WNT8B: variants seen among roughly 807,000 people sequenced by gnomAD.
The protein encoded by WNT8B is Wnt family member 8B, also known as protein Wnt-8b.
A neutral mutation model predicts 36.6 loss-of-function variants in WNT8B; 24 were observed. The observed-to-expected ratio is 0.66, with a 90% CI of 0.48 to 0.92. The LOEUF is 0.92. Ranked by LOEUF, WNT8B falls within the 40% of genes least tolerant of loss-of-function variation. The probability of loss-of-function intolerance (pLI) is 0.00; values close to 1 mark genes in which losing one functional copy is unlikely to be tolerated. For missense variants in WNT8B, 402 were observed against 470.8 expected (o/e 0.85, Z 1.35); for synonymous variants, 199 against 189.8 (o/e 1.05, Z -0.40).
rs1363970183 is a variant in WNT8B, at chr10:100,463,223, C to T, written c.55C>T (p.Leu19Phe). ...CTGTCTTTTCACCTGTGTCCTCCAA[C>T]TCAGCCACAGCTGGTAAGTAACCTG... The part of the protein sequence containing the change: ...YICLFTCVLQ[L>F]SHSWSVNNFL... Residue 19 changes from leucine (L) to phenylalanine (F), a missense_variant, in exon 1 of 6, where the codon CTC (leucine) becomes TTC (phenylalanine). Physicochemically the swap from Leu to Phe is conservative, Grantham distance 22. Coordinates refer to ENST00000343737, the MANE Select transcript of WNT8B (RefSeq NM_003393.4). 3 of 1,614,000 alleles carry T rather than the reference C, an allele frequency of 1.9e-6. No homozygotes were observed. The highest frequency in any genetic ancestry group is 2.2e-5 in the South Asian group (2 of 91,062).
At chr10:100,473,809 G>A (rs547808635) in intron 1 of WNT8B, among the ~76,000 whole-genome samples, 23 of 152,088 alleles carry the variant, frequency 1.5e-4, no homozygotes, top group Middle Eastern at 3.4e-3. Flanking sequence ...GCCTGTAATC[G>A]CAGCTTCTTG....
At chr10:100,463,586 G>A (rs925704020) in intron 1 of WNT8B, among the ~76,000 whole-genome samples, 6 of 152,126 alleles carry the variant, frequency 3.9e-5, no homozygotes, top group Non-Finnish European at 8.8e-5. Flanking sequence ...AAGTTCTACC[G>A]TGTGTTGAAT....
At chr10:100,468,100 T>C (rs146915240) in intron 1 of WNT8B, among the ~76,000 whole-genome samples, 270 of 152,336 alleles carry the variant, frequency 1.8e-3, no homozygotes, top group African/African-American at 6.0e-3. Context: ...AAATACATGT[T>C]TGTGTTTATT....
At chr10:100,470,990 G>C (rs1254167794) in intron 1 of WNT8B, among the ~76,000 whole-genome samples, 1 of 152,092 alleles carries the variant, frequency 6.6e-6, no homozygotes, top group Non-Finnish European at 1.5e-5. Context: ...TGATCTGCCT[G>C]CCTCAGCCTC....
intron 1 of WNT8B, among the ~76,000 whole-genome samples, chr10:100,468,371 T>C (rs1214370654): frequency 1.3e-5 from 2 of 152,212 alleles, no homozygotes; most frequent in African/African-American, 4.8e-5. Flanking sequence ...ACTGAGAACA[T>C]AAATGTTTTC....
At chr10:100,481,366 G>A (rs1373048342) in intron 4 of WNT8B, among the ~76,000 whole-genome samples, 1 of 152,072 alleles carries the variant, frequency 6.6e-6, no homozygotes, top group African/African-American at 2.4e-5. Flanking sequence ...CAACACTCTG[G>A]GGATTCCTCT....
intron 1 of WNT8B, among the ~76,000 whole-genome samples, chr10:100,477,003 C>T (rs1325589706): frequency 6.6e-6 from 1 of 152,188 alleles, no homozygotes; most frequent in African/African-American, 2.4e-5. Flanking sequence ...TTTGGCCATT[C>T]CCCCAAGACT....
intron 1 of WNT8B, among the ~76,000 whole-genome samples, chr10:100,476,288 A>T (rs778721026): frequency 6.6e-6 from 1 of 152,128 alleles, no homozygotes; most frequent in Non-Finnish European, 1.5e-5. Flanking sequence ...TGGGTGACAG[A>T]GTGAGACTCC....
chr10:100,482,111 C>A lies in WNT8B; in HGVS notation c.510+57C>A. 6.2e-7 allele frequency: 1 copy of A among 1,607,622 alleles called. No individual in the cohort carries two copies. Among genetic ancestry groups the A allele is most frequent in the South Asian group, 1.1e-5 (1 of 90,824 alleles). ...TGCTGGCTATATCCACTACCAGCTC[C>A]AGGTGCGGACAACTCTTCAGTTCAT... On this transcript the variant is annotated intron_variant, in intron 5 of 5. Coordinates refer to ENST00000343737, the MANE Select transcript of WNT8B (RefSeq NM_003393.4). This position sits in a 1 kb window ranked among gnomAD's most constrained non-coding sequence, Gnocchi z 6.6.
chr10:100,474,539 C>T (rs1199119754), intron 1 of WNT8B, among the ~76,000 whole-genome samples: 2 of 152,090 alleles, frequency 1.3e-5, no homozygotes, highest in African/African-American at 4.8e-5. Flanking sequence ...GAACAAGATC[C>T]TCCTCCTTTG....
intron 1 of WNT8B, among the ~76,000 whole-genome samples, chr10:100,463,934 G>A (rs144711647): frequency 4.2e-4 from 64 of 152,044 alleles, no homozygotes; most frequent in Non-Finnish European, 7.8e-4. Flanking sequence ...TTTAGCTCTT[G>A]GAAACCACAT....
chr10:100,483,525 C>T lies in WNT8B; in HGVS notation c.*709C>T, dbSNP rs563991302. The T allele has an allele frequency of 6.6e-6, 1 of 152,264 alleles. No individual in the cohort carries two copies. The highest frequency in any genetic ancestry group is 2.1e-4 in the South Asian group (1 of 4,828). 9.4% of individuals were successfully genotyped at this position (152,264 alleles called of 1,614,324 possible). A position where few individuals can be genotyped will look rare whatever the true frequency, so the allele number is the denominator to read the frequency against. On this transcript the variant is annotated 3_prime_UTR_variant, in exon 6 of 6. Coordinates refer to ENST00000343737, the MANE Select transcript of WNT8B (RefSeq NM_003393.4). The stretch of plus-strand genomic sequence containing the variant: ...GCAATGACTTTCCTAGACAATAACC[C>T]GAGGGACTCCAGATACATACCCCGA...
chr10:100,464,360 G>GT (rs1047786161), intron 1 of WNT8B, among the ~76,000 whole-genome samples: 12 of 151,884 alleles, frequency 7.9e-5, no homozygotes, highest in Admixed American at 5.3e-4. Context: ...ATATTTCAAT[G>GT]TTAAAAAAAA....
chr10:100,466,411 G>T (rs190000237), intron 1 of WNT8B, among the ~76,000 whole-genome samples: 75 of 152,118 alleles, frequency 4.9e-4, no homozygotes, highest in African/African-American at 1.7e-3. Context: ...ATCAATGAAG[G>T]CCTCCACAAC....
chr10:100,463,676 A>T (rs1199745145), intron 1 of WNT8B, among the ~76,000 whole-genome samples: 2 of 151,864 alleles, frequency 1.3e-5, no homozygotes, highest in African/African-American at 2.4e-5. Context: ...TTTTTTCAGG[A>T]TATTCTAAGT....
rs559038634 is a variant in WNT8B, at chr10:100,467,596, C to T, written c.68+4360C>T. 1.2e-4 allele frequency among the ~76,000 whole-genome samples: 18 copies of T among 152,296 alleles called. No homozygotes were observed. In the South Asian group the frequency reaches 3.3e-3, roughly 28 times the overall value. On this transcript the variant is annotated intron_variant, in intron 1 of 5. Coordinates refer to ENST00000343737, the MANE Select transcript of WNT8B (RefSeq NM_003393.4). ...CAGGTTCTTTAGGTTTATCGTATCA[C>T]ACTTTGAAGGTTCCATTATCCAGGA...
At chr10:100,471,747 CTA>C (rs1471785871) in intron 1 of WNT8B, among the ~76,000 whole-genome samples, 2 of 152,152 alleles carry the variant, frequency 1.3e-5, no homozygotes, top group Non-Finnish European at 2.9e-5. Context: ...GGTGGCCACT[CTA>C]TGTTTCAGTC....
At chr10:100,481,179 A>G (rs962288960) in intron 4 of WNT8B, 56 bp downstream of exon 4, 33 of 1,599,050 alleles carry the variant, frequency 2.1e-5, no homozygotes, top group Non-Finnish European at 2.6e-5. Context: ...ATAAAGAATG[A>G]AAAGCCTGGT....
chr10:100,477,524 C>T (rs1389454576), intron 1 of WNT8B, among the ~76,000 whole-genome samples: 2 of 152,120 alleles, frequency 1.3e-5, no homozygotes, highest in African/African-American at 2.4e-5. Context: ...TGGTCTCGAT[C>T]TCCTGACCTC....
Sources: gnomAD v4.1 joint callset for allele counts (sites outside exome capture counted in the v4.1 genomes callset) on GRCh38, gnomAD v4.1.1 for gene constraint, Gnocchi (gnomAD v3.1) non-coding constraint, MANE v1.5 for transcripts, NCBI Gene and HGNC (gene_info 2026-07-23, HGNC 2026-07-21) for gene names.